The following MFHAS1 variants were observed in gnomAD, a reference collection of about 807,000 sequenced individuals.
MFHAS1 encodes malignant fibrous histiocytoma-amplified sequence 1.
A neutral mutation model predicts 70.4 loss-of-function variants in MFHAS1; 50 were observed. That is an observed-to-expected ratio of 0.71 (90% CI 0.57 to 0.90). The LOEUF (loss-of-function observed/expected upper bound fraction) is 0.90. MFHAS1 is among the 40% of genes least tolerant of loss of function. MFHAS1 has a pLI of 0.00. For synonymous variants in MFHAS1, 952 were observed against 620.0 expected (o/e 1.54, Z -7.96); for missense variants, 1,795 against 1,347.6 (o/e 1.33, Z -5.20).
At position 8,812,912 on chromosome 8, in the gene MFHAS1, G is replaced by C. The variant is rs370893022; in HGVS notation, c.2999-15421C>G. On this transcript the variant is annotated intron_variant, in intron 1 of 2. Transcript: ENST00000276282. ...CTCCTGAGTAGCTGGGGTTACAGGC[G>C]TGCACCACCACGCCCAACTAAAGGT... Among the ~76,000 whole-genome samples, 15 of 152,190 alleles carry C rather than the reference G, an allele frequency of 9.9e-5. No individual in the cohort carries two copies. The East Asian group carries it at 1.4e-3, about 14-fold the overall frequency.
intron 1 of MFHAS1, among the ~76,000 whole-genome samples, chr8:8,830,326 G>T (rs1807337289): frequency 6.6e-6 from 1 of 152,160 alleles, no homozygotes; most frequent in Non-Finnish European, 1.5e-5. Flanking sequence ...TTAACTAAAA[G>T]AAGACTAAGT....
intron 1 of MFHAS1, among the ~76,000 whole-genome samples, chr8:8,845,159 G>C (rs765247797): frequency 6.6e-6 from 1 of 152,172 alleles, no homozygotes; most frequent in Non-Finnish European, 1.5e-5. Context: ...ATAAAATCAA[G>C]TGGATTTTTT....
At chr8:8,804,518 A>T (rs561948509) in intron 1 of MFHAS1, among the ~76,000 whole-genome samples, 4 of 152,356 alleles carry the variant, frequency 2.6e-5, no homozygotes, top group Admixed American at 6.5e-5. Context: ...GGGTAAATAA[A>T]CCAGGCCAGT....
chr8:8,852,247 G>A (rs953906516), intron 1 of MFHAS1, among the ~76,000 whole-genome samples: 3 of 152,158 alleles, frequency 2.0e-5, no homozygotes, highest in Non-Finnish European at 4.4e-5. Context: ...GCCGAGGCGG[G>A]CAGATCACTT....
At chr8:8,830,668 T>TGCA (rs1807352325) in intron 1 of MFHAS1, among the ~76,000 whole-genome samples, 3 of 152,218 alleles carry the variant, frequency 2.0e-5, no homozygotes, top group Non-Finnish European at 2.9e-5. Flanking sequence ...AGTGGTGTGA[T>TGCA]CTTGGCTCAG....
chr8:8,835,831 G>A (rs562771727), intron 1 of MFHAS1, among the ~76,000 whole-genome samples: 22 of 152,278 alleles, frequency 1.4e-4, no homozygotes, highest in Non-Finnish European at 2.5e-4. Flanking sequence ...AACAAAAGTT[G>A]GCAAAACATG....
At chr8:8,789,466 G>C (rs1441217154) in intron 2 of MFHAS1, among the ~76,000 whole-genome samples, 1 of 152,148 alleles carries the variant, frequency 6.6e-6, no homozygotes, top group African/African-American at 2.4e-5. Context: ...GCTGAAGGGA[G>C]GGTCCAGCCT....
At chr8:8,856,915 G>C (rs1280425826) in intron 1 of MFHAS1, among the ~76,000 whole-genome samples, 4 of 122,334 alleles carry the variant, frequency 3.3e-5, no homozygotes, top group East Asian at 5.5e-4. Flanking sequence ...ATCAGAAAGA[G>C]AAATATATTC....
chr8:8,789,667 G>A (rs962759128), intron 2 of MFHAS1, among the ~76,000 whole-genome samples: 1 of 152,072 alleles, frequency 6.6e-6, no homozygotes, highest in African/African-American at 2.4e-5. Flanking sequence ...TGCAAACTCT[G>A]GAGGGACTGC....
rs1232008903 is a variant in MFHAS1, at chr8:8,891,645, G to A, written c.1414C>T (p.Arg472Trp). 5.6e-6 allele frequency: 9 copies of A among 1,613,600 alleles called. No individual in the cohort carries two copies. Among genetic ancestry groups the A allele is most frequent in the Non-Finnish European group, 7.6e-6 (9 of 1,180,026 alleles). Reference protein sequence around the residue: ...SWTADASRGLRFIVYDLAGDE... With the variant: ...SWTADASRGLWFIVYDLAGDE... ...CCAGCTAAGTCATACACGATGAACCGCAGGCCCCGGGAGGCATCGGCCGTC... is the reference window on the plus strand; with the variant it reads ...CCAGCTAAGTCATACACGATGAACCACAGGCCCCGGGAGGCATCGGCCGTC... The change falls in exon 1 of 3, where the codon CGG becomes TGG. Residue 472 changes from arginine (R) to tryptophan (W), a missense_variant. By Grantham distance (101) the Arg-to-Trp change is moderately radical (BLOSUM62 -3). Coordinates refer to ENST00000276282, the MANE Select transcript of MFHAS1 (RefSeq NM_004225.3). This position sits in a 1 kb window ranked among gnomAD's most constrained non-coding sequence, Gnocchi z 5.4.
At position 8,890,609 on chromosome 8, in the gene MFHAS1, A is replaced by G. The variant is rs1809961994; in HGVS notation, c.2450T>C (p.Leu817Ser). The change falls in exon 1 of 3, where the codon TTG becomes TCG. Residue 817 changes from leucine (L) to serine (S), a missense_variant. Physicochemically the swap from Leu to Ser is moderately radical, Grantham distance 145. Coordinates refer to ENST00000276282, the MANE Select transcript of MFHAS1 (RefSeq NM_004225.3). ...LKPHVQAQQDLQLLLELLEKM... is the reference protein window; with the variant it reads ...LKPHVQAQQDSQLLLELLEKM... ...CTCCAGCAGCTCCAGCAACAGCTGCAAGTCCTGCTGGGCCTGGACATGAGG... is the reference window on the plus strand; with the variant it reads ...CTCCAGCAGCTCCAGCAACAGCTGCGAGTCCTGCTGGGCCTGGACATGAGG... 2 of 1,613,824 alleles carry G rather than the reference A, an allele frequency of 1.2e-6. No individual in the cohort carries two copies. The highest frequency in any genetic ancestry group is 2.2e-5 in the East Asian group (1 of 44,896).
chr8:8,845,130 T>G (rs1807981490), intron 1 of MFHAS1, among the ~76,000 whole-genome samples: 1 of 152,240 alleles, frequency 6.6e-6, no homozygotes, highest in African/African-American at 2.4e-5. Flanking sequence ...TGACCCTCTG[T>G]CATTCATATG....
chr8:8,813,423 T>A (rs955495133), intron 1 of MFHAS1, among the ~76,000 whole-genome samples: 1 of 152,238 alleles, frequency 6.6e-6, no homozygotes, highest in Admixed American at 6.5e-5. Context: ...GCATTTTTAT[T>A]ACAGGGTATA....
intron 1 of MFHAS1, among the ~76,000 whole-genome samples, chr8:8,873,243 T>A (rs981588236): frequency 1.8e-4 from 27 of 152,216 alleles, no homozygotes; most frequent in African/African-American, 6.3e-4. Context: ...AGTGAATATA[T>A]TTTTTAATAG....
intron 1 of MFHAS1, among the ~76,000 whole-genome samples, chr8:8,823,264 T>A (rs1807033155): frequency 3.3e-5 from 5 of 152,220 alleles, no homozygotes; most frequent in Admixed American, 3.3e-4. Flanking sequence ...CAAATTATTA[T>A]AAAAACAGCT....
chr8:8,806,193 C>A (rs1340706644), intron 1 of MFHAS1, among the ~76,000 whole-genome samples: 2 of 152,170 alleles, frequency 1.3e-5, no homozygotes, highest in Non-Finnish European at 2.9e-5. Flanking sequence ...CACGGGACGC[C>A]CACCTGCTGC....
intron 1 of MFHAS1, among the ~76,000 whole-genome samples, chr8:8,825,791 C>T (rs1038210455): frequency 1.3e-5 from 2 of 152,120 alleles, no homozygotes; most frequent in Admixed American, 6.5e-5. Flanking sequence ...CACAATTCAG[C>T]CATAACAAAG....
intron 1 of MFHAS1, among the ~76,000 whole-genome samples, chr8:8,841,198 G>C (rs1175716374): frequency 6.6e-6 from 1 of 152,164 alleles, no homozygotes; most frequent in African/African-American, 2.4e-5. Context: ...TTTTGGGTCG[G>C]GCGTGGTGGC....
At chr8:8,842,487 C>A (rs537472887) in intron 1 of MFHAS1, among the ~76,000 whole-genome samples, 2 of 152,302 alleles carry the variant, frequency 1.3e-5, no homozygotes, top group Admixed American at 6.5e-5. Flanking sequence ...CCATGCCCGA[C>A]CCCACGTCTG....
Sources: gnomAD v4.1 joint callset for allele counts (sites outside exome capture counted in the v4.1 genomes callset) on GRCh38, gnomAD v4.1.1 for gene constraint, Gnocchi (gnomAD v3.1) non-coding constraint, MANE v1.5 for transcripts, NCBI Gene and HGNC (gene_info 2026-07-23, HGNC 2026-07-21) for gene names.